SMAD3: variants seen among roughly 807,000 people sequenced by gnomAD.
The protein encoded by SMAD3 is SMAD family member 3, also known as MAD homolog 3.
In SMAD3, 12 loss-of-function variants were observed where a neutral mutation model predicts 51.8. The ratio of observed to expected loss-of-function variants is 0.23; its 90% CI spans 0.15 to 0.38. The LOEUF is 0.38. SMAD3 is among the 10% of genes least tolerant of loss of function. SMAD3 has a pLI of 1.00. For synonymous variants in SMAD3, 238 were observed against 227.7 expected, an observed-to-expected ratio of 1.05 and a Z score of -0.41; for missense variants, 294 against 565.6, an observed-to-expected ratio of 0.52 and a Z score of 4.87.
At chr15:67,116,486 G>T (rs1480099491) in intron 1 of SMAD3, among the ~76,000 whole-genome samples, 1 of 152,158 alleles carries the variant, frequency 6.6e-6, no homozygotes, top group East Asian at 1.9e-4. Context: ...CCATCTCACG[G>T]GGTGTGTGGA....
chr15:67,163,667 C>G (rs545224470), intron 1 of SMAD3, among the ~76,000 whole-genome samples: 1 of 152,170 alleles, frequency 6.6e-6, no homozygotes, highest in Admixed American at 6.5e-5. Flanking sequence ...TTCCCTGAAC[C>G]TCTGCTGCTG....
chr15:67,170,188 C>T (rs924717317), intron 4 of SMAD3, among the ~76,000 whole-genome samples: 6 of 152,100 alleles, frequency 3.9e-5, no homozygotes, highest in African/African-American at 1.2e-4. Context: ...TTCCTGAGGG[C>T]ATAGTTAATA....
At chr15:67,104,904 A>C (rs1218624245) in intron 1 of SMAD3, among the ~76,000 whole-genome samples, 2 of 152,204 alleles carry the variant, frequency 1.3e-5, no homozygotes, top group African/African-American at 4.8e-5. Flanking sequence ...GCTGCTTCCC[A>C]TCTGAAAGCT....
At chr15:67,148,346 A>G (rs1962034499) in intron 1 of SMAD3, among the ~76,000 whole-genome samples, 1 of 152,226 alleles carries the variant, frequency 6.6e-6, no homozygotes, top group Admixed American at 6.5e-5. Context: ...GCTCCAGTCC[A>G]TCCCCAGTGT....
chr15:67,188,973 G>A (rs1324797955), intron 8 of SMAD3, among the ~76,000 whole-genome samples: 1 of 152,206 alleles, frequency 6.6e-6, no homozygotes, highest in African/African-American at 2.4e-5. Flanking sequence ...ATCCAGGAGT[G>A]ACCAGTGGAG....
chr15:67,148,278 C>T (rs575683148), intron 1 of SMAD3, among the ~76,000 whole-genome samples: 302 of 152,292 alleles, frequency 2.0e-3, no homozygotes, highest in Admixed American at 3.3e-3. Context: ...CTCCATGAGT[C>T]GGTAGCACAG....
chr15:67,114,511 C>G (rs1961093447), intron 1 of SMAD3, among the ~76,000 whole-genome samples: 3 of 152,188 alleles, frequency 2.0e-5, no homozygotes, highest in South Asian at 4.1e-4. Context: ...TCAGTAGCAT[C>G]CTTTCTTAAG....
chr15:67,123,222 G>A (rs369613868), intron 1 of SMAD3, among the ~76,000 whole-genome samples: 6 of 149,258 alleles, frequency 4.0e-5, no homozygotes, highest in South Asian at 2.1e-4. Flanking sequence ...TCAGCCAGGC[G>A]CAGTGGCTCA....
chr15:67,121,463 G>A (rs1595911477), intron 1 of SMAD3, among the ~76,000 whole-genome samples: 1 of 152,164 alleles, frequency 6.6e-6, no homozygotes, highest in South Asian at 2.1e-4. Context: ...CAGAGGCCCC[G>A]GGGAGGGCTG....
intron 1 of SMAD3, among the ~76,000 whole-genome samples, chr15:67,144,269 GA>G (rs1454124191): frequency 6.6e-6 from 1 of 151,872 alleles, no homozygotes; most frequent in Non-Finnish European, 1.5e-5. Flanking sequence ...ACTTTTGTCT[GA>G]TTTTTTTTAA....
intron 1 of SMAD3, among the ~76,000 whole-genome samples, chr15:67,107,304 G>A (rs1960900832): frequency 6.6e-6 from 1 of 152,186 alleles, no homozygotes; most frequent in South Asian, 2.1e-4. Flanking sequence ...GAGAGAAGTA[G>A]CTTTATCTGG....
intron 1 of SMAD3, among the ~76,000 whole-genome samples, chr15:67,066,939 T>C (rs1319259637): frequency 2.0e-5 from 3 of 152,148 alleles, no homozygotes; most frequent in African/African-American, 7.2e-5. Context: ...TTTTATCGAG[T>C]ATTTTTAGAC....
intron 1 of SMAD3, among the ~76,000 whole-genome samples, chr15:67,086,976 A>G (rs906104257): frequency 2.0e-5 from 3 of 150,608 alleles, no homozygotes; most frequent in Admixed American, 6.6e-5. Flanking sequence ...GCTCACTACA[A>G]CCTCCACCTC....
chr15:67,180,125 GGCTCGCGCCCA>G (rs907884697), intron 5 of SMAD3, among the ~76,000 whole-genome samples: 3 of 152,178 alleles, frequency 2.0e-5, no homozygotes, highest in African/African-American at 7.2e-5. Flanking sequence ...GTAGGCTAAG[GGCTCGCGCCCA>G]GCAGTCAGTG....
chr15:67,138,016 A>G (rs771452877), intron 1 of SMAD3: 39 of 1,550,896 alleles, frequency 2.5e-5, no homozygotes, highest in Middle Eastern at 1.7e-4. Context: ...TGACCTCCCA[A>G]CTTCACAAAC....
At position 67,191,646 on chromosome 15, in the gene SMAD3, G is replaced by A. The variant is rs571662141; in HGVS notation, c.*1110G>A. The A allele has an allele frequency of 4.3e-6, 1 of 232,994 alleles. No individual in the cohort carries two copies. Among genetic ancestry groups the A allele is most frequent in the East Asian group, 6.0e-5 (1 of 16,664 alleles). 14.4% of individuals were successfully genotyped at this position (232,994 alleles called of 1,614,324 possible). On this transcript the variant is annotated 3_prime_UTR_variant, in exon 9 of 9. Coordinates refer to ENST00000327367, the MANE Select transcript of SMAD3 (RefSeq NM_005902.4). ...CTGAGGTGAAGCTTTTCCAGGTTTT[G>A]TTGAAGAGATACCTGCCAGCACTTC...
intron 1 of SMAD3, among the ~76,000 whole-genome samples, chr15:67,087,054 C>T (rs1267746182): frequency 6.6e-6 from 1 of 152,086 alleles, no homozygotes; most frequent in Non-Finnish European, 1.5e-5. Context: ...TGCCACCACA[C>T]CTGGCTAATT....
intron 1 of SMAD3, among the ~76,000 whole-genome samples, chr15:67,097,540 C>T (rs746152112): frequency 9.9e-5 from 15 of 152,088 alleles, no homozygotes; most frequent in Non-Finnish European, 1.3e-4. Flanking sequence ...CCACTGCGCC[C>T]GGCCTTATCT....
At chr15:67,168,120 C>T (rs1962641318) in intron 4 of SMAD3, among the ~76,000 whole-genome samples, 1 of 152,180 alleles carries the variant, frequency 6.6e-6, no homozygotes, top group Non-Finnish European at 1.5e-5. Flanking sequence ...ACGCCCGGCT[C>T]ATTTGTGTAT....
Sources: gnomAD v4.1 joint callset for allele counts (sites outside exome capture counted in the v4.1 genomes callset) on GRCh38, gnomAD v4.1.1 for gene constraint, MANE v1.5 for transcripts, NCBI Gene and HGNC (gene_info 2026-07-23, HGNC 2026-07-21) for gene names.